PTPRD: variants seen among roughly 807,000 people sequenced by gnomAD.
The protein encoded by PTPRD is protein tyrosine phosphatase receptor type D, also known as receptor-type tyrosine-protein phosphatase delta.
A neutral mutation model predicts 214.5 loss-of-function variants in PTPRD; 34 were observed. That is an observed-to-expected ratio of 0.16 (90% CI 0.12 to 0.21). The LOEUF (loss-of-function observed/expected upper bound fraction) is 0.21. PTPRD is among the 10% of genes least tolerant of loss of function. The probability of loss-of-function intolerance (pLI) is 1.00; values close to 1 mark genes in which losing one functional copy is unlikely to be tolerated. For missense variants in PTPRD, 2,545 were observed against 2,398.7 expected (o/e 1.06, Z -1.27); for synonymous variants, 1,128 against 845.7 (o/e 1.33, Z -5.79).
intron 10 of PTPRD, among the ~76,000 whole-genome samples, chr9:9,082,260 C>T (rs745951573): frequency 2.6e-5 from 4 of 152,062 alleles, no homozygotes; most frequent in Non-Finnish European, 5.9e-5. Context: ...TTATCCACCA[C>T]GACCAAGTTA....
chr9:8,380,752 T>C (rs2084796479), intron 37 of PTPRD, among the ~76,000 whole-genome samples: 1 of 152,200 alleles, frequency 6.6e-6, no homozygotes, highest in Non-Finnish European at 1.5e-5. Flanking sequence ...GAACATGCTT[T>C]GGGAGAAGGG....
At position 8,340,336 on chromosome 9, in the gene PTPRD, C is replaced by CACTT. The variant is rs1243609858; in HGVS notation, c.5253+3_5253+6dup. Reference sequence around the variant, plus strand: ...TATGAGGAGACACACAAGGGCCACACACTTACTCTGCCCATTTCACGCAGC... The same window carrying CACTT: ...TATGAGGAGACACACAAGGGCCACACACTTACTTACTCTGCCCATTTCACGCAGC... On this transcript the variant is annotated splice_region_variant and intron_variant, in intron 42 of 45. Transcript: ENST00000381196. The CACTT allele has an allele frequency of 1.9e-6, 3 of 1,602,538 alleles. No homozygotes were observed. Among genetic ancestry groups the CACTT allele is most frequent in the African/African-American group, 2.7e-5 (2 of 74,782 alleles).
intron 14 of PTPRD, among the ~76,000 whole-genome samples, chr9:8,558,837 T>C (rs1169870796): frequency 1.3e-5 from 2 of 152,196 alleles, no homozygotes; most frequent in Non-Finnish European, 2.9e-5. Flanking sequence ...TGAAATAAAA[T>C]GGTAATTGCC....
chr9:10,386,484 C>T (rs943076316), intron 2 of PTPRD, among the ~76,000 whole-genome samples: 26 of 151,822 alleles, frequency 1.7e-4, no homozygotes, highest in African/African-American at 6.3e-4. Flanking sequence ...TCCACAGGGA[C>T]TGTGCACATG....
At chr9:8,857,606 C>G (rs946301173) in intron 11 of PTPRD, 4 of 153,236 alleles carry the variant, frequency 2.6e-5, no homozygotes, top group Non-Finnish European at 5.8e-5. Flanking sequence ...GAAGACACCG[C>G]GGGGCGGACG....
At chr9:9,108,724 C>T (rs73641216) in intron 10 of PTPRD, among the ~76,000 whole-genome samples, 6,229 of 152,206 alleles carry the variant, frequency 0.041, 215 homozygotes, top group African/African-American at 0.095. Context: ...CCAATGACTG[C>T]CTAACTGCAA....
chr9:9,326,166 G>A (rs987064567), intron 9 of PTPRD, among the ~76,000 whole-genome samples: 2 of 152,138 alleles, frequency 1.3e-5, no homozygotes, highest in African/African-American at 2.4e-5. Flanking sequence ...CACAGAGAAA[G>A]TGTGACTTAA....
At chr9:9,184,744 T>C (rs974879462) in intron 9 of PTPRD, among the ~76,000 whole-genome samples, 11 of 152,092 alleles carry the variant, frequency 7.2e-5, no homozygotes, top group South Asian at 4.1e-4. Context: ...TTTGAGGTTT[T>C]AGCTGAGCGC....
intron 11 of PTPRD, among the ~76,000 whole-genome samples, chr9:8,796,101 T>C (rs1282619796): frequency 6.6e-6 from 1 of 152,190 alleles, no homozygotes; most frequent in Non-Finnish European, 1.5e-5. Context: ...CTATGCATAC[T>C]GTTGGTAGCC....
intron 9 of PTPRD, among the ~76,000 whole-genome samples, chr9:9,202,604 G>C (rs114830649): frequency 1.3e-5 from 2 of 152,150 alleles, no homozygotes; most frequent in Non-Finnish European, 2.9e-5. Flanking sequence ...GGGATGGGGG[G>C]TGTAGTGGTA....
rs528156307 is a variant in PTPRD at position 9,174,643 on chromosome 9, G to A, written c.-143+8661C>T. 2.6e-5 allele frequency among the ~76,000 whole-genome samples: 4 copies of A among 152,146 alleles called. No homozygotes were observed. The South Asian group carries it at 6.2e-4, about 24-fold the overall frequency. On this transcript the variant is annotated intron_variant, in intron 10 of 45. Transcript: ENST00000381196. ...TTGTAAACAACTGTTGCCAACAAAGGATATTACATAAGAGATTTCATAATC... is the reference window on the plus strand; with the variant it reads ...TTGTAAACAACTGTTGCCAACAAAGAATATTACATAAGAGATTTCATAATC...
intron 44 of PTPRD, among the ~76,000 whole-genome samples, chr9:8,325,481 T>C (rs1445263636): frequency 3.4e-5 from 5 of 148,906 alleles, no homozygotes; most frequent in Admixed American, 2.1e-4. Flanking sequence ...ACCATGCTGT[T>C]TTGGTTACTG....
At chr9:10,333,311 C>A (rs1013766113) in intron 3 of PTPRD, among the ~76,000 whole-genome samples, 1 of 151,636 alleles carries the variant, frequency 6.6e-6, no homozygotes, top group Non-Finnish European at 1.5e-5. Context: ...TGGTCCCTCG[C>A]GTTTTGTTTA....
At position 8,843,319 on chromosome 9, in the gene PTPRD, G is replaced by C. The variant is rs867037296; in HGVS notation, c.-103-109373C>G. On this transcript the variant is annotated intron_variant, in intron 11 of 45. Coordinates refer to ENST00000381196, the MANE Select transcript of PTPRD (RefSeq NM_002839.4). Reference sequence around the variant, plus strand: ...TTATCAATTCACTTTCCTTGAGAAGGTATTTTTGAAACACAGTATCTTTCA... The same window carrying C: ...TTATCAATTCACTTTCCTTGAGAAGCTATTTTTGAAACACAGTATCTTTCA... 1.1e-4 allele frequency among the ~76,000 whole-genome samples: 17 copies of C among 152,318 alleles called. No individual in the cohort carries two copies. In the South Asian group the frequency reaches 3.1e-3, roughly 28 times the overall value.
At chr9:8,425,209 A>T (rs1440493805) in intron 35 of PTPRD, among the ~76,000 whole-genome samples, 2 of 152,176 alleles carry the variant, frequency 1.3e-5, no homozygotes. Context: ...CCTTGTTCCA[A>T]TCTCTTCTTG....
rs145736094 is a variant in PTPRD at position 9,416,283 on chromosome 9, G to T, written c.-236-18801C>A. Among the ~76,000 whole-genome samples, 1,098 of 152,208 alleles carry T rather than the reference G, an allele frequency of 7.2e-3. 12 individuals carry two copies. Among genetic ancestry groups the T allele is most frequent in the African/African-American group, 0.019 (793 of 41,508 alleles). ...GAAAATCTGATCGTCTCATGGTTGG[G>T]TTTGAAATCTTTCCATGCAGTGTTA... On this transcript the variant is annotated intron_variant, in intron 8 of 45. Coordinates refer to ENST00000381196, the MANE Select transcript of PTPRD (RefSeq NM_002839.4).
intron 2 of PTPRD, among the ~76,000 whole-genome samples, chr9:10,514,928 A>T (rs941689365): frequency 1.3e-5 from 2 of 152,174 alleles, no homozygotes; most frequent in East Asian, 3.9e-4. Flanking sequence ...CAGGGTAAAA[A>T]GATGGATTAA....
intron 5 of PTPRD, among the ~76,000 whole-genome samples, chr9:9,915,658 G>C (rs1028318821): frequency 2.0e-5 from 3 of 150,618 alleles, no homozygotes; most frequent in East Asian, 2.0e-4. Flanking sequence ...TTCTGACCTT[G>C]AAAACAGATC....
chr9:9,143,562 T>G (rs575219194), intron 10 of PTPRD, among the ~76,000 whole-genome samples: 13 of 152,334 alleles, frequency 8.5e-5, no homozygotes, highest in African/African-American at 3.1e-4. Flanking sequence ...TAGTAATTTT[T>G]AAAGACCGAA....
Sources: gnomAD v4.1 joint callset for allele counts (sites outside exome capture counted in the v4.1 genomes callset) on GRCh38, gnomAD v4.1.1 for gene constraint, MANE v1.5 for transcripts, NCBI Gene and HGNC (gene_info 2026-07-23, HGNC 2026-07-21) for gene names.